Variants in ENOX1 observed in about 807,000 individuals in gnomAD.
ENOX1 encodes candidate growth-related and time keeping constitutive hydroquinone (NADH) oxidase.
A neutral mutation model predicts 82.5 loss-of-function variants in ENOX1; 42 were observed. The observed-to-expected ratio is 0.51, with a 90% confidence interval of 0.40 to 0.66. ENOX1 has a LOEUF of 0.66. ENOX1 is among the 30% of genes least tolerant of loss of function. The probability of loss-of-function intolerance (pLI) is 0.00; values close to 1 mark genes in which losing one functional copy is unlikely to be tolerated. For synonymous variants in ENOX1, 271 were observed against 282.2 expected (o/e 0.96, Z 0.40); for missense variants, 608 against 811.6 (o/e 0.75, Z 3.05).
chr13:43,693,823 A>AAAATCCAAC (rs2086496541), intron 1 of ENOX1, among the ~76,000 whole-genome samples: 1 of 152,204 alleles, frequency 6.6e-6, no homozygotes, highest in Admixed American at 6.5e-5. Context: ...CATAGGCAGA[A>AAAATCCAAC]AAATCCAACA....
chr13:43,399,083 A>C (rs2053337222), intron 5 of ENOX1, among the ~76,000 whole-genome samples: 1 of 151,418 alleles, frequency 6.6e-6, no homozygotes, highest in South Asian at 2.1e-4. Context: ...CACTGGGCCC[A>C]GCCCCTTCCT....
intron 14 of ENOX1, among the ~76,000 whole-genome samples, chr13:43,256,846 G>A (rs922603816): frequency 2.0e-5 from 3 of 152,202 alleles, no homozygotes; most frequent in South Asian, 2.1e-4. Flanking sequence ...ATATACCAAA[G>A]AGATGTATTG....
intron 2 of ENOX1, among the ~76,000 whole-genome samples, chr13:43,603,536 C>G (rs929004827): frequency 8.1e-5 from 11 of 136,584 alleles, no homozygotes; most frequent in Non-Finnish European, 1.2e-4. Context: ...ATCCCTCCCC[C>G]CTCCCCCCAC....
chr13:43,718,677 A>C (rs1447827059), intron 1 of ENOX1, among the ~76,000 whole-genome samples: 3 of 1,830 alleles, frequency 1.6e-3, no homozygotes, highest in Non-Finnish European at 2.6e-3. Flanking sequence ...ACTCCGTCTC[A>C]AAAAAAAAAA....
intron 9 of ENOX1, among the ~76,000 whole-genome samples, chr13:43,338,021 C>T (rs1028373650): frequency 2.6e-5 from 4 of 152,204 alleles, no homozygotes; most frequent in Non-Finnish European, 5.9e-5. Context: ...CTGCTGCTGG[C>T]TTTCCCATTT....
chr13:43,311,521 C>T (rs905498046), intron 11 of ENOX1, among the ~76,000 whole-genome samples: 2 of 152,168 alleles, frequency 1.3e-5, no homozygotes, highest in African/African-American at 4.8e-5. Context: ...AGTTTATGCT[C>T]TCACACTTCT....
intron 3 of ENOX1, among the ~76,000 whole-genome samples, chr13:43,457,732 T>A (rs1160890291): frequency 1.3e-5 from 2 of 152,182 alleles, no homozygotes; most frequent in African/African-American, 4.8e-5. Flanking sequence ...TGTCACTGAA[T>A]GTTAATGGTC....
intron 11 of ENOX1, among the ~76,000 whole-genome samples, chr13:43,310,160 T>C (rs1156386172): frequency 4.0e-5 from 5 of 124,632 alleles, no homozygotes; most frequent in South Asian, 2.8e-4. Flanking sequence ...GATCACGCCA[T>C]TGCACTCTAC....
intron 14 of ENOX1, among the ~76,000 whole-genome samples, chr13:43,244,780 C>G (rs900123007): frequency 6.6e-6 from 1 of 152,164 alleles, no homozygotes; most frequent in Non-Finnish European, 1.5e-5. Flanking sequence ...ACCCCGGACT[C>G]TGCCAGCAGC....
chr13:43,264,737 G>A (rs1435110425), intron 14 of ENOX1, among the ~76,000 whole-genome samples: 1 of 152,134 alleles, frequency 6.6e-6, no homozygotes, highest in Non-Finnish European at 1.5e-5. Flanking sequence ...AACATATGGA[G>A]AGGCAATGAT....
chr13:43,757,683 G>A (rs1201818269), intron 1 of ENOX1, among the ~76,000 whole-genome samples: 1 of 152,206 alleles, frequency 6.6e-6, no homozygotes, highest in Non-Finnish European at 1.5e-5. Flanking sequence ...TCAGGATGCA[G>A]AGAAACAAAG....
At chr13:43,768,252 G>T (rs1951399279) in intron 1 of ENOX1, among the ~76,000 whole-genome samples, 1 of 152,122 alleles carries the variant, frequency 6.6e-6, no homozygotes, top group Non-Finnish European at 1.5e-5. Context: ...GACAAGTTCA[G>T]ACATCTCCAA....
chr13:43,586,908 CA>C (rs34012725), intron 2 of ENOX1, among the ~76,000 whole-genome samples: 118,803 of 145,932 alleles, frequency 0.81, 49,253 homozygotes, highest in Non-Finnish European at 0.91. Context: ...ACTAAAAATA[CA>C]AAAAAAAAAA....
chr13:43,405,671 A>G (rs2053753397), intron 5 of ENOX1, among the ~76,000 whole-genome samples: 2 of 152,164 alleles, frequency 1.3e-5, no homozygotes, highest in South Asian at 2.1e-4. Flanking sequence ...GGTTTCTACA[A>G]TGAAATGTCT....
At chr13:43,594,078 A>G (rs910506431) in intron 2 of ENOX1, among the ~76,000 whole-genome samples, 5 of 152,182 alleles carry the variant, frequency 3.3e-5, no homozygotes, top group African/African-American at 1.2e-4. Context: ...AACTCTTCCA[A>G]GATGCACAGA....
chr13:43,518,374 AT>A (rs2077636364), intron 2 of ENOX1, among the ~76,000 whole-genome samples: 1 of 151,962 alleles, frequency 6.6e-6, no homozygotes, highest in Non-Finnish European at 1.5e-5. Flanking sequence ...TCAAATGTCT[AT>A]TAGCAAGCAG....
intron 11 of ENOX1, among the ~76,000 whole-genome samples, chr13:43,318,515 T>C (rs2047637338): frequency 1.3e-5 from 2 of 152,232 alleles, no homozygotes; most frequent in Admixed American, 1.3e-4. Flanking sequence ...CATGTGACAC[T>C]GAATTTTGTA....
intron 2 of ENOX1, among the ~76,000 whole-genome samples, chr13:43,664,357 AG>A (rs2084874729): frequency 6.6e-6 from 1 of 152,184 alleles, no homozygotes; most frequent in African/African-American, 2.4e-5. Flanking sequence ...AAGGCACCTG[AG>A]GTTTTATTTC....
intron 7 of ENOX1, among the ~76,000 whole-genome samples, chr13:43,357,472 A>G (rs1383770027): frequency 6.6e-6 from 1 of 152,210 alleles, no homozygotes; most frequent in Admixed American, 6.5e-5. Context: ...ATGGGAAGAC[A>G]TAACAATACC....
Sources: gnomAD v4.1 joint callset for allele counts (sites outside exome capture counted in the v4.1 genomes callset) on GRCh38, gnomAD v4.1.1 for gene constraint, MANE v1.5 for transcripts, NCBI Gene and HGNC (gene_info 2026-07-23, HGNC 2026-07-21) for gene names.